The following DNAH9 variants were observed in gnomAD, a reference collection of about 807,000 sequenced individuals.
The protein encoded by DNAH9 is DNAH9 variant protein.
Under a neutral mutation model 471.6 loss-of-function variants are expected in DNAH9, and 345 were observed. That is an observed-to-expected ratio of 0.73 (90% CI 0.67 to 0.80). DNAH9 has a LOEUF of 0.80. Ranked by LOEUF, DNAH9 falls within the 30% of genes least tolerant of loss-of-function variation. The probability of loss-of-function intolerance (pLI) is 0.00; values close to 1 mark genes in which losing one functional copy is unlikely to be tolerated. For synonymous variants in DNAH9, 2,093 were observed against 2,123.6 expected, an observed-to-expected ratio of 0.99 and a Z score of 0.40; for missense variants, 5,407 against 5,609.2, an observed-to-expected ratio of 0.96 and a Z score of 1.15.
intron 49 of DNAH9, among the ~76,000 whole-genome samples, chr17:11,841,121 G>T (rs530720369): frequency 1.3e-5 from 2 of 152,276 alleles, no homozygotes; most frequent in African/African-American, 4.8e-5. Context: ...AGTCACTTCA[G>T]TTTTACTCAA....
chr17:11,658,977 G>A (rs62060825), intron 14 of DNAH9, among the ~76,000 whole-genome samples: 21,400 of 151,598 alleles, frequency 0.14, 1,760 homozygotes, highest in South Asian at 0.27. Flanking sequence ...TTCTTGTTTC[G>A]GTGTTAAGAT....
intron 61 of DNAH9, among the ~76,000 whole-genome samples, chr17:11,913,756 T>C (rs1299331580): frequency 6.7e-6 from 1 of 149,508 alleles, no homozygotes; most frequent in African/African-American, 2.5e-5. Flanking sequence ...CACTCCAGCC[T>C]GGGCGACAGA....
At chr17:11,708,978 C>T (rs372646591) in intron 26 of DNAH9, among the ~76,000 whole-genome samples, 93 of 152,198 alleles carry the variant, frequency 6.1e-4, no homozygotes, top group African/African-American at 2.1e-3. Context: ...GGGATGTGCC[C>T]GGCCTTCAGA....
At chr17:11,793,831 G>T (rs1302291538) in intron 42 of DNAH9, among the ~76,000 whole-genome samples, 167 bp downstream of exon 42, 1 of 152,076 alleles carries the variant, frequency 6.6e-6, no homozygotes, top group Non-Finnish European at 1.5e-5. Flanking sequence ...GCTGGGGCAA[G>T]AATAGATGCA....
intron 10 of DNAH9, among the ~76,000 whole-genome samples, chr17:11,642,066 A>C (rs917242956): frequency 2.6e-5 from 4 of 152,058 alleles, no homozygotes; most frequent in African/African-American, 9.7e-5. Flanking sequence ...AGAGGGAGGC[A>C]GCGGTACTTC....
chr17:11,660,425 C>T (rs777993308), intron 14 of DNAH9, among the ~76,000 whole-genome samples: 11 of 149,462 alleles, frequency 7.4e-5, no homozygotes, highest in African/African-American at 1.2e-4. Context: ...CAGGCTCAAG[C>T]GATTCTTGTG....
At chr17:11,758,710 C>T (rs537668896) in intron 35 of DNAH9, among the ~76,000 whole-genome samples, 4 of 152,202 alleles carry the variant, frequency 2.6e-5, no homozygotes, top group South Asian at 2.1e-4. Flanking sequence ...CCATATGCCC[C>T]GCCCCACACC....
At position 11,647,311 on chromosome 17, in the gene DNAH9, C is replaced by T. The variant is rs547459964; in HGVS notation, c.2097+113C>T. The T allele has an allele frequency of 1.5e-4, 165 of 1,130,564 alleles. 1 individual carries two copies. In the South Asian group the frequency reaches 2.2e-3, roughly 15 times the overall value. 70.0% of individuals were successfully genotyped at this position (1,130,564 alleles called of 1,614,324 possible). ...TTTTGAGACGGAGTTTCACTCTTGT[C>T]GCCCAGGCTGGAGTGCAGTGGCGCG... On this transcript the variant is annotated intron_variant, in intron 12 of 68. Coordinates refer to ENST00000262442, the MANE Select transcript of DNAH9 (RefSeq NM_001372.4).
intron 45 of DNAH9, 126 bp downstream of exon 45, chr17:11,810,495 G>C (rs759629540): frequency 6.1e-5 from 75 of 1,228,088 alleles, no homozygotes; most frequent in Non-Finnish European, 8.3e-5. Flanking sequence ...AACTGACACA[G>C]CCAAGGACTG....
In DNAH9 at chr17:11,854,353, C is replaced by T. The variant is rs1403020957; in HGVS notation, c.9858C>T (p.Arg3286=). The T allele has an allele frequency of 6.2e-7, 1 of 1,613,874 alleles. No homozygotes were observed. Among genetic ancestry groups the T allele is most frequent in the Non-Finnish European group, 8.5e-7 (1 of 1,180,024 alleles). ...TGTTCTGTGATGTGGAACCCAAGCG[C>T]CAGGCACTGAACAAAGCCACCGCGG... ...YEVFCDVEPK[R]QALNKATADL... The change falls in exon 50 of 69, where the codon CGC becomes CGT. Residue 3286 remains arginine, a synonymous_variant. Coordinates refer to ENST00000262442, the MANE Select transcript of DNAH9 (RefSeq NM_001372.4).
rs1402070538 is a variant in DNAH9 at position 11,841,016 on chromosome 17, T to TA, written c.9507+6123dup. ...CCTCTTAAAATAATATGCTCTTTTT[T>TA]AAAAATACATTCTGCCAAGTTTCTA... On this transcript the variant is annotated intron_variant, in intron 49 of 68. Transcript: ENST00000262442. Among the ~76,000 whole-genome samples the TA allele has an allele frequency of 3.9e-5, 6 of 152,338 alleles. No individual in the cohort carries two copies. The South Asian group carries it at 1.2e-3, about 32-fold the overall frequency.
chr17:11,843,989 A>G (rs1971127558), intron 49 of DNAH9, among the ~76,000 whole-genome samples: 1 of 148,892 alleles, frequency 6.7e-6, no homozygotes, highest in Non-Finnish European at 1.5e-5. Flanking sequence ...TAGTAAAATT[A>G]TGAATCTTGT....
intron 38 of DNAH9, among the ~76,000 whole-genome samples, chr17:11,771,001 T>A (rs1445151287): frequency 6.6e-6 from 1 of 152,186 alleles, no homozygotes; most frequent in African/African-American, 2.4e-5. Flanking sequence ...ACTTCACAGA[T>A]ACAATGGATG....
At position 11,669,160 on chromosome 17, in the gene DNAH9, G is replaced by C; in HGVS notation, c.2828G>C (p.Gly943Ala). Residue 943 changes from glycine to alanine, a missense_variant, in exon 16 of 69, where the codon GGG becomes GCG. By Grantham distance (60) the Gly-to-Ala change is moderately conservative. Transcript: ENST00000262442. ...CCGTCTCTGGAGTCTGGAGTGAAGG[G>C]GGGTTTCTGTGACATTGTTGAGGGT... is the stretch of plus-strand genomic sequence containing the variant. ...FYPSLESGVK[G>A]GFCDIVEGLI... The C allele has an allele frequency of 6.2e-7, 1 of 1,613,806 alleles. No homozygotes were observed. The highest frequency in any genetic ancestry group is 8.5e-7 in the Non-Finnish European group (1 of 1,179,786).
chr17:11,704,922 A>G, intron 25 of DNAH9, 103 bp from the exon 26 acceptor site: 1 of 898,090 alleles, frequency 1.1e-6, no homozygotes. Flanking sequence ...TGCACACTTT[A>G]GCAGCAGTCA....
At chr17:11,617,203 G>A (rs186078441) in intron 4 of DNAH9, among the ~76,000 whole-genome samples, 3 of 152,278 alleles carry the variant, frequency 2.0e-5, no homozygotes, top group South Asian at 4.1e-4. Context: ...TTAGAGGAAT[G>A]TTACAAGACA....
Position 11,923,869 on chromosome 17 carries a change from G to A in DNAH9, c.11805G>A (p.Gly3935=). ...AGAACTTTCACAACGTGTCTTTGGG[G>A]CAAGGACAGGAAGTGGTGGCTGAGG... ...NNQNFHNVSL[G]QGQEVVAEAA... The change falls in exon 62 of 69, where the codon GGG becomes GGA. Residue 3935 remains glycine, a synonymous_variant. Coordinates refer to ENST00000262442, the MANE Select transcript of DNAH9 (RefSeq NM_001372.4). 2 of 1,614,056 alleles carry A rather than the reference G, an allele frequency of 1.2e-6. No homozygotes were observed. The highest frequency in any genetic ancestry group is 1.7e-6 in the Non-Finnish European group (2 of 1,179,972).
rs1298995552 is a variant in DNAH9 at position 11,611,682 on chromosome 17, T to C, written c.806T>C (p.Leu269Pro). 6.2e-7 allele frequency: 1 copy of C among 1,613,932 alleles called. No individual in the cohort carries two copies. Among genetic ancestry groups the C allele is most frequent in the Non-Finnish European group, 8.5e-7 (1 of 1,179,784 alleles). ...GATCTGAAATACATCTATAATCAAC[T>C]GAGAACAATAACGGTGAGGGGCATG... is the stretch of plus-strand genomic sequence containing the variant. The part of the protein sequence containing the change: ...YEDLKYIYNQ[L>P]RTITVRGMAK... Residue 269 changes from leucine (L) to proline (P), a missense_variant, in exon 4 of 69, where the codon CTG (leucine) becomes CCG (proline). Leu to Pro is a moderately conservative substitution (Grantham distance 98). Coordinates refer to ENST00000262442, the MANE Select transcript of DNAH9 (RefSeq NM_001372.4).
rs749518659 is a variant in DNAH9, at chr17:11,690,197, G to A, written c.4375G>A (p.Val1459Ile). ...GTATGAGCCCCACCCACGGACCAAT[G>A]TCCCCCTCCTGTGCTCTGATGAGGA... is the stretch of plus-strand genomic sequence containing the variant. ...FQYEPHPRTNVPLLCSDEDLI... is the reference protein window; with the variant it reads ...FQYEPHPRTNIPLLCSDEDLI... The change falls in exon 20 of 69, where the codon GTC becomes ATC. Residue 1459 changes from valine (V) to isoleucine (I), a missense_variant. Val to Ile is a conservative substitution (Grantham distance 29). This residue lies in a region of DNAH9 where 4,636 missense variants were observed against 4,900.3 expected (regional missense o/e 0.95). Coordinates refer to ENST00000262442, the MANE Select transcript of DNAH9 (RefSeq NM_001372.4). 3.1e-6 allele frequency: 5 copies of A among 1,614,222 alleles called. No individual in the cohort carries two copies. The highest frequency in any genetic ancestry group is 2.2e-5 in the East Asian group (1 of 44,876).
Sources: allele counts gnomAD v4.1 joint callset (sites outside exome capture counted in the v4.1 genomes callset), GRCh38; gene constraint gnomAD v4.1.1; regional missense constraint gnomAD v4.1.1; transcripts MANE v1.5; gene names NCBI Gene and HGNC (gene_info 2026-07-23, HGNC 2026-07-21).